The following SLC25A21 variants were observed in gnomAD, a reference collection of about 807,000 sequenced individuals.
SLC25A21 encodes solute carrier family 25 member 21, also known as mitochondrial 2-oxodicarboxylate carrier.
Under a neutral mutation model 43.8 loss-of-function variants are expected in SLC25A21, and 47 were observed. The ratio of observed to expected loss-of-function variants is 1.07; its 90% CI spans 0.85 to 1.37. The LOEUF is 1.37. Ranked by LOEUF, SLC25A21 falls within the 40% of genes most tolerant of loss-of-function variation. The pLI, the probability that SLC25A21 is intolerant of heterozygous loss-of-function variation, is 0.00. For missense variants in SLC25A21, 352 were observed against 350.2 expected, an observed-to-expected ratio of 1.00 and a Z score of -0.04; for synonymous variants, 131 against 121.3, an observed-to-expected ratio of 1.08 and a Z score of -0.52.
chr14:36,863,173 C>T (rs971444857), intron 2 of SLC25A21, among the ~76,000 whole-genome samples: 6 of 152,114 alleles, frequency 3.9e-5, no homozygotes, highest in Non-Finnish European at 8.8e-5. Flanking sequence ...GTCTGGAGAA[C>T]CCCACTGACA....
At position 36,884,327 on chromosome 14, in the gene SLC25A21, C is replaced by T. The variant is rs992321997; in HGVS notation, c.71-9323G>A. The stretch of plus-strand genomic sequence containing the variant: ...CAAATGACAGGATTTCCTTCTTTTT[C>T]AGGGCTGAAGAGTATTCTGTTGTAT... On this transcript the variant is annotated intron_variant, in intron 1 of 9. Coordinates refer to ENST00000331299, the MANE Select transcript of SLC25A21 (RefSeq NM_030631.4). Among the ~76,000 whole-genome samples, 7 of 152,156 alleles carry T rather than the reference C, an allele frequency of 4.6e-5. No individual in the cohort carries two copies. The South Asian group carries it at 6.2e-4, about 13-fold the overall frequency.
intron 1 of SLC25A21, among the ~76,000 whole-genome samples, chr14:37,086,079 T>C (rs1962480527): frequency 1.3e-5 from 2 of 152,118 alleles, no homozygotes. Flanking sequence ...CACTGTAGCC[T>C]GGGCAACAGA....
intron 4 of SLC25A21, among the ~76,000 whole-genome samples, chr14:36,731,760 T>C (rs1357101216): frequency 6.6e-6 from 1 of 152,180 alleles, no homozygotes; most frequent in Non-Finnish European, 1.5e-5. Flanking sequence ...GCTGAACACT[T>C]GAGGGGTCCC....
chr14:36,923,312 C>G (rs1285227411), intron 1 of SLC25A21, among the ~76,000 whole-genome samples: 1 of 152,020 alleles, frequency 6.6e-6, no homozygotes, highest in African/African-American at 2.4e-5. Context: ...TGTTCAAATA[C>G]TGATAAAAAA....
chr14:36,852,172 C>T (rs1380258384), intron 2 of SLC25A21, among the ~76,000 whole-genome samples: 1 of 152,104 alleles, frequency 6.6e-6, no homozygotes, highest in Non-Finnish European at 1.5e-5. Flanking sequence ...TTGCATGGAG[C>T]AGGAAAGACC....
chr14:37,066,652 G>A (rs1268055246), intron 1 of SLC25A21, among the ~76,000 whole-genome samples: 1 of 151,840 alleles, frequency 6.6e-6, no homozygotes, highest in Non-Finnish European at 1.5e-5. Context: ...ACAACAAATG[G>A]TTCATAAAAA....
chr14:37,063,337 T>C lies in SLC25A21; in HGVS notation c.70+108944A>G, dbSNP rs1307360361. On this transcript the variant is annotated intron_variant, in intron 1 of 9. Coordinates refer to ENST00000331299, the MANE Select transcript of SLC25A21 (RefSeq NM_030631.4). Reference sequence around the variant, plus strand: ...GAACATGGTGAAACCCCGTCTCTACTAAAAATATAAAAATTAGCCAGGCCT... The same window carrying C: ...GAACATGGTGAAACCCCGTCTCTACCAAAAATATAAAAATTAGCCAGGCCT... Among the ~76,000 whole-genome samples the C allele has an allele frequency of 3.3e-5, 5 of 151,912 alleles. No individual in the cohort carries two copies. In the South Asian group the frequency reaches 8.3e-4, roughly 25 times the overall value.
chr14:37,032,990 T>C (rs561853716), intron 1 of SLC25A21, among the ~76,000 whole-genome samples: 11 of 152,164 alleles, frequency 7.2e-5, no homozygotes, highest in African/African-American at 1.7e-4. Context: ...AAAGAACACA[T>C]ATGAAATTTA....
chr14:36,683,107 C>T (rs1376031572), intron 9 of SLC25A21, among the ~76,000 whole-genome samples: 1 of 152,170 alleles, frequency 6.6e-6, no homozygotes, highest in African/African-American at 2.4e-5. Context: ...TATGTGTGGT[C>T]TAGAGTATAC....
intron 1 of SLC25A21, among the ~76,000 whole-genome samples, chr14:37,057,889 A>C (rs1680122945): frequency 1.3e-5 from 2 of 152,230 alleles, no homozygotes; most frequent in African/African-American, 4.8e-5. Context: ...AAATACTGAC[A>C]TGGATCACAG....
chr14:36,955,277 T>G (rs143953921), intron 1 of SLC25A21, among the ~76,000 whole-genome samples: 2 of 152,176 alleles, frequency 1.3e-5, no homozygotes, highest in Non-Finnish European at 2.9e-5. Context: ...TTATAATAAC[T>G]AGGTATAATG....
intron 1 of SLC25A21, among the ~76,000 whole-genome samples, chr14:37,080,284 A>G (rs1348538559): frequency 6.6e-6 from 1 of 152,172 alleles, no homozygotes; most frequent in Non-Finnish European, 1.5e-5. Context: ...GAGGGCACAG[A>G]CTACTTTTGT....
intron 1 of SLC25A21, among the ~76,000 whole-genome samples, chr14:37,068,967 G>A (rs1962117513): frequency 1.3e-5 from 2 of 152,142 alleles, no homozygotes; most frequent in Non-Finnish European, 2.9e-5. Context: ...GAGGTCAGGA[G>A]ATCGAGACCA....
At chr14:36,861,281 CTT>C (rs1890058525) in intron 2 of SLC25A21, among the ~76,000 whole-genome samples, 1 of 152,194 alleles carries the variant, frequency 6.6e-6, no homozygotes, top group South Asian at 2.1e-4. Flanking sequence ...TGATTTTACT[CTT>C]GATTCACAGA....
chr14:36,868,286 C>T (rs979442725), intron 2 of SLC25A21, among the ~76,000 whole-genome samples: 5 of 152,176 alleles, frequency 3.3e-5, no homozygotes, highest in Admixed American at 2.6e-4. Context: ...ATTATACACA[C>T]AGCTCTGTTT....
At chr14:36,726,104 T>G (rs181136484) in intron 5 of SLC25A21, among the ~76,000 whole-genome samples, 1 of 152,162 alleles carries the variant, frequency 6.6e-6, no homozygotes, top group Non-Finnish European at 1.5e-5. Context: ...CAACCACAAA[T>G]AAAATGTTTC....
intron 7 of SLC25A21, among the ~76,000 whole-genome samples, chr14:36,687,117 A>G (rs1882589924): frequency 6.6e-6 from 1 of 152,014 alleles, no homozygotes; most frequent in South Asian, 2.1e-4. Context: ...ATACCCAGCT[A>G]AATTTTTGTA....
intron 1 of SLC25A21, among the ~76,000 whole-genome samples, chr14:36,986,747 T>G (rs1218893006): frequency 6.6e-6 from 1 of 152,154 alleles, no homozygotes; most frequent in Non-Finnish European, 1.5e-5. Context: ...GTGTTCATTT[T>G]TTTTATGTTT....
At chr14:37,080,267 T>A (rs771329095) in intron 1 of SLC25A21, among the ~76,000 whole-genome samples, 1 of 152,182 alleles carries the variant, frequency 6.6e-6, no homozygotes, top group Non-Finnish European at 1.5e-5. Context: ...TTGTGCTCAG[T>A]GTCCCTGAGG....
Sources: allele counts gnomAD v4.1 joint callset (sites outside exome capture counted in the v4.1 genomes callset), GRCh38; gene constraint gnomAD v4.1.1; transcripts MANE v1.5; gene names NCBI Gene and HGNC (gene_info 2026-07-23, HGNC 2026-07-21).